Variants in GSDMC observed in about 807,000 individuals in gnomAD.
GSDMC encodes gasdermin C.
In GSDMC, 59 loss-of-function variants were observed where a neutral mutation model predicts 58.0. The observed-to-expected ratio is 1.02, with a 90% confidence interval of 0.82 to 1.26. The LOEUF (loss-of-function observed/expected upper bound fraction) is 1.26. Ranked by LOEUF, GSDMC falls within the 50% of genes most tolerant of loss-of-function variation. GSDMC has a pLI of 0.00. For synonymous variants in GSDMC, 241 were observed against 220.2 expected (o/e 1.09, Z -0.83); for missense variants, 659 against 598.5 (o/e 1.10, Z -1.06).
chr8:129,727,449 G>T, the GSDMC span, among the ~76,000 whole-genome samples: 1 of 152,158 alleles, frequency 6.6e-6, no homozygotes, highest in Non-Finnish European at 1.5e-5. Context: ...GCTGATAAAA[G>T]TAAGTGAAGC....
chr8:129,777,840 C>T (rs531335837), intron 1 of GSDMC, among the ~76,000 whole-genome samples: 1 of 152,266 alleles, frequency 6.6e-6, no homozygotes, highest in South Asian at 2.1e-4. Context: ...CCGCCTCAGC[C>T]TACCTAGCAT....
At chr8:129,743,712 C>T (rs775539975), downstream of GSDMC, among the ~76,000 whole-genome samples, 2 of 152,178 alleles carry the variant, frequency 1.3e-5, no homozygotes, top group Non-Finnish European at 2.9e-5. Flanking sequence ...TAGCTGGCAA[C>T]TAGTTATATG....
intron 3 of GSDMC, among the ~76,000 whole-genome samples, chr8:129,774,069 C>T (rs1185299059): frequency 6.6e-6 from 1 of 152,064 alleles, no homozygotes; most frequent in Non-Finnish European, 1.5e-5. Flanking sequence ...AATCTTAAAA[C>T]TCTTATGGAA....
At chr8:129,746,717 T>TG (rs2032970171), downstream of GSDMC, among the ~76,000 whole-genome samples, 1 of 152,316 alleles carries the variant, frequency 6.6e-6, no homozygotes, top group Non-Finnish European at 1.5e-5. Flanking sequence ...GCCTTGTTCT[T>TG]CTTCAAAGCA....
Position 129,748,689 on chromosome 8 carries a change from T to C in GSDMC, c.1339A>G (p.Thr447Ala). 6.3e-7 allele frequency: 1 copy of C among 1,599,560 alleles called. No individual in the cohort carries two copies. The highest frequency in any genetic ancestry group is 8.5e-7 in the Non-Finnish European group (1 of 1,173,550). ...NFRYPWSIPF[T>A]LKPELLAPLQ... ...GGGGCGAGGAGCTCAGGTTTGAGGG[T>C]GAAGGGAATGCTCCAGGGGTATCTG... Residue 447 changes from threonine (T) to alanine (A), a missense_variant, in exon 14 of 14, where the codon ACC becomes GCC. Transcript: ENST00000276708.
chr8:129,769,271 G>A (rs2033973620), intron 3 of GSDMC, among the ~76,000 whole-genome samples: 1 of 152,014 alleles, frequency 6.6e-6, no homozygotes, highest in South Asian at 2.1e-4. Flanking sequence ...AATATTGAGA[G>A]TAACAAGAGA....
intron 7 of GSDMC, 102 bp from the exon 8 acceptor site, chr8:129,752,249 C>A: frequency 1.2e-6 from 1 of 869,290 alleles, no homozygotes; most frequent in South Asian, 1.4e-5. Flanking sequence ...ACTCCTCTAT[C>A]CTCCCCTTAT....
chr8:129,746,769 T>C (rs903158142), downstream of GSDMC, among the ~76,000 whole-genome samples: 1 of 152,144 alleles, frequency 6.6e-6, no homozygotes, highest in Non-Finnish European at 1.5e-5. Context: ...TACAAAAGAC[T>C]GAGGGCAAGA....
downstream of GSDMC, among the ~76,000 whole-genome samples, chr8:129,744,044 A>G (rs1026469565): frequency 7.8e-6 from 1 of 127,654 alleles, no homozygotes; most frequent in East Asian, 2.5e-4. Flanking sequence ...GTTACTGGAT[A>G]ATACTCCCTC....
downstream of GSDMC, among the ~76,000 whole-genome samples, chr8:129,745,983 A>G (rs2032954002): frequency 6.7e-6 from 1 of 148,464 alleles, no homozygotes; most frequent in South Asian, 2.1e-4. Flanking sequence ...CATTTAATTG[A>G]TAAAAGAGTT....
At chr8:129,725,077 T>C in the GSDMC span, among the ~76,000 whole-genome samples, 1 of 152,226 alleles carries the variant, frequency 6.6e-6, no homozygotes, top group African/African-American at 2.4e-5. Context: ...GCTCCTGTCC[T>C]CTGCTAGCCT....
At chr8:129,730,063 A>G in the GSDMC span, 1 of 1,133,230 alleles carries the variant, frequency 8.8e-7, no homozygotes, top group South Asian at 1.5e-5. Context: ...AAATAAGTAA[A>G]GAAGATTTTT....
At chr8:129,743,414 A>C (rs888096604), downstream of GSDMC, among the ~76,000 whole-genome samples, 1 of 152,134 alleles carries the variant, frequency 6.6e-6, no homozygotes, top group African/African-American at 2.4e-5. Context: ...AGCTCTAGAC[A>C]TTCCATTTCG....
At position 129,765,889 on chromosome 8, in the gene GSDMC, T is replaced by C. The variant is rs553563639; in HGVS notation, c.405-96A>G. On this transcript the variant is annotated intron_variant, in intron 3 of 13. Transcript: ENST00000276708. ...CCTTCTCCCCAAGACCTGGGAGGGGTGCAATGGCTTTGGACCCTGACAGGT... is the reference window on the plus strand; with the variant it reads ...CCTTCTCCCCAAGACCTGGGAGGGGCGCAATGGCTTTGGACCCTGACAGGT... 209 of 956,700 alleles carry C rather than the reference T, an allele frequency of 2.2e-4. No homozygotes were observed. In the Middle Eastern group the frequency reaches 2.4e-3, roughly 11 times the overall value. 59.3% of individuals were successfully genotyped at this position (956,700 alleles called of 1,614,324 possible). A position where few individuals can be genotyped will look rare whatever the true frequency, so the allele number is the denominator to read the frequency against.
downstream of GSDMC, among the ~76,000 whole-genome samples, chr8:129,746,653 T>C (rs1217240196): frequency 1.3e-5 from 2 of 152,322 alleles, no homozygotes; most frequent in African/African-American, 4.8e-5. Context: ...GAAGAAAGAA[T>C]TCTTCAGGCA....
the GSDMC span, among the ~76,000 whole-genome samples, chr8:129,736,287 TA>T: frequency 6.6e-6 from 1 of 152,206 alleles, no homozygotes; most frequent in Non-Finnish European, 1.5e-5. Flanking sequence ...TAACTCATTT[TA>T]TGAGGCCAGC....
chr8:129,781,260 A>T (rs1402602326), intron 1 of GSDMC, among the ~76,000 whole-genome samples: 1 of 152,136 alleles, frequency 6.6e-6, no homozygotes, highest in East Asian at 1.9e-4. Flanking sequence ...AAAAAACAAG[A>T]CCCAATGATC....
the GSDMC span, among the ~76,000 whole-genome samples, chr8:129,716,786 A>T: frequency 6.6e-6 from 1 of 152,116 alleles, no homozygotes; most frequent in African/African-American, 2.4e-5. Flanking sequence ...TCTGAGATAC[A>T]TTCCATCAAC....
the GSDMC span, among the ~76,000 whole-genome samples, chr8:129,738,835 A>G: frequency 6.6e-6 from 1 of 152,178 alleles, no homozygotes. Context: ...ATACTTCTAA[A>G]GCAATCTAGG....
Sources: allele counts gnomAD v4.1 joint callset (sites outside exome capture counted in the v4.1 genomes callset), GRCh38; gene constraint gnomAD v4.1.1; transcripts MANE v1.5; gene names NCBI Gene and HGNC (gene_info 2026-07-23, HGNC 2026-07-21).